Variants in ISM2 observed in about 807,000 individuals in gnomAD.
The protein encoded by ISM2 is isthmin 2, also known as isthmin-2.
ISM2 carries 50 observed loss-of-function variants against 58.0 expected under a neutral mutation model. The observed-to-expected ratio is 0.86, with a 90% CI of 0.69 to 1.09. The LOEUF (loss-of-function observed/expected upper bound fraction) is 1.09. Ranked by LOEUF, ISM2 falls within the 50% of genes least tolerant of loss-of-function variation. ISM2 has a pLI of 0.00. For missense variants in ISM2, 723 were observed against 745.0 expected (o/e 0.97, Z 0.34); for synonymous variants, 303 against 312.4 (o/e 0.97, Z 0.32).
intron 1 of ISM2, among the ~76,000 whole-genome samples, chr14:77,486,740 C>T (rs1216747352): frequency 6.6e-6 from 1 of 152,004 alleles, no homozygotes; most frequent in Non-Finnish European, 1.5e-5. Context: ...GCTGGGCCTG[C>T]CTGGGCAGGT....
At chr14:77,497,074 A>C (rs2079247333) in intron 1 of ISM2, among the ~76,000 whole-genome samples, 1 of 151,824 alleles carries the variant, frequency 6.6e-6, no homozygotes, top group Non-Finnish European at 1.5e-5. Context: ...CGTCATCTCA[A>C]AAATGGGAAG....
chr14:77,498,362 C>G (rs576793126), intron 1 of ISM2: 3 of 1,399,584 alleles, frequency 2.1e-6, no homozygotes, highest in South Asian at 1.3e-5. Context: ...CGAGGAAGCC[C>G]GGCCACCGTG....
At chr14:77,483,629 C>CGT (rs2079147062) in intron 3 of ISM2, among the ~76,000 whole-genome samples, 1 of 150,104 alleles carries the variant, frequency 6.7e-6, no homozygotes, top group Non-Finnish European at 1.5e-5. Context: ...TTTGCGTGTG[C>CGT]GTGTGCGTGT....
intron 5 of ISM2, 84 bp from the exon 6 acceptor site, chr14:77,478,409 C>G: frequency 6.9e-7 from 1 of 1,446,026 alleles, no homozygotes; most frequent in East Asian, 2.3e-5. Context: ...CCTCAATAGG[C>G]TCTCAGTGCC....
Position 77,484,308 on chromosome 14 carries a change from T to C in ISM2, c.627+15A>G. The C allele has an allele frequency of 1.2e-6, 2 of 1,607,696 alleles. No individual in the cohort carries two copies. Among genetic ancestry groups the C allele is most frequent in the Non-Finnish European group, 1.7e-6 (2 of 1,176,550 alleles). ...CGGGTGTCTGCAGGGCTGCTGGCCCTTCTGTAGCTCTCACCTGGTTATCAG... is the reference window on the plus strand; with the variant it reads ...CGGGTGTCTGCAGGGCTGCTGGCCCCTCTGTAGCTCTCACCTGGTTATCAG... On this transcript the variant is annotated intron_variant, in intron 3 of 6. Transcript: ENST00000342219.
At chr14:77,498,460 T>A in intron 1 of ISM2, 193 bp downstream of exon 1, 1 of 1,179,632 alleles carries the variant, frequency 8.5e-7, no homozygotes, top group African/African-American at 1.6e-5. Flanking sequence ...GCGCGAGGAG[T>A]GGAAGCCCCG....
At chr14:77,491,283 G>T (rs925400836) in intron 1 of ISM2, among the ~76,000 whole-genome samples, 1 of 152,120 alleles carries the variant, frequency 6.6e-6, no homozygotes, top group African/African-American at 2.4e-5. Flanking sequence ...TTCTTTCATG[G>T]CCATTTAACC....
chr14:77,498,760 G>A lies in ISM2; in HGVS notation c.34C>T (p.Leu12Phe), dbSNP rs753619086. 2.7e-6 allele frequency: 4 copies of A among 1,473,022 alleles called. No individual in the cohort carries two copies. The highest frequency in any genetic ancestry group is 3.6e-6 in the Non-Finnish European group (4 of 1,121,998). The allele number at this position is 1,473,022 out of a possible 1,614,324, so 91.2% of individuals were successfully genotyped here. A position where few individuals can be genotyped will look rare whatever the true frequency, so the allele number is the denominator to read the frequency against. ...AGCGCCGCCAGCAGCAGCACGCAGAGGAGGAGCCCGGCTCGGTCGCGGAGC... is the reference window on the plus strand; with the variant it reads ...AGCGCCGCCAGCAGCAGCACGCAGAAGAGGAGCCCGGCTCGGTCGCGGAGC... ...RALRDRAGLL[L>F]CVLLLAALLE... The change falls in exon 1 of 7, where the codon CTC becomes TTC. Residue 12 changes from leucine to phenylalanine, a missense_variant. Physicochemically the swap from Leu to Phe is conservative, Grantham distance 22 (BLOSUM62 0). Transcript: ENST00000342219.
chr14:77,476,560 T>C (rs1430302295), intron 6 of ISM2, among the ~76,000 whole-genome samples: 1 of 152,228 alleles, frequency 6.6e-6, no homozygotes, highest in Non-Finnish European at 1.5e-5. Context: ...TCTCAGGCAA[T>C]CTGGCCTGGG....
At chr14:77,479,029 G>A (rs766945606) in intron 4 of ISM2, among the ~76,000 whole-genome samples, 10 of 152,208 alleles carry the variant, frequency 6.6e-5, no homozygotes, top group Non-Finnish European at 1.5e-4. Flanking sequence ...CTATTGGTAT[G>A]ACCTTGGGCA....
At chr14:77,496,386 G>T (rs945366332) in intron 1 of ISM2, among the ~76,000 whole-genome samples, 3 of 152,018 alleles carry the variant, frequency 2.0e-5, no homozygotes, top group African/African-American at 7.2e-5. Context: ...TACTCGGGAG[G>T]CAGAGGCAGG....
chr14:77,474,492 T>A lies in ISM2; in HGVS notation c.*1103A>T, dbSNP rs1413568956. ...GTCCCCTAACTTTTGGTGGCTCTTGTGAACAGAGACAGTTGAGACTTCAAT... is the reference window on the plus strand; with the variant it reads ...GTCCCCTAACTTTTGGTGGCTCTTGAGAACAGAGACAGTTGAGACTTCAAT... On this transcript the variant is annotated 3_prime_UTR_variant, in exon 7 of 7. Coordinates refer to ENST00000342219, the MANE Select transcript of ISM2 (RefSeq NM_199296.3). 6.6e-6 allele frequency: 1 copy of A among 152,178 alleles called. No individual in the cohort carries two copies. Among genetic ancestry groups the A allele is most frequent in the East Asian group, 1.9e-4 (1 of 5,194 alleles). The allele number at this position is 152,178 out of a possible 1,614,324, so 9.4% of individuals were successfully genotyped here.
intron 1 of ISM2, among the ~76,000 whole-genome samples, chr14:77,495,504 T>G (rs2079233543): frequency 6.6e-6 from 1 of 152,282 alleles, no homozygotes; most frequent in African/African-American, 2.4e-5. Flanking sequence ...ACAATGCCAA[T>G]TTAGTTAATT....
Position 77,498,698 on chromosome 14 carries a change from C to T in ISM2, c.96G>A (p.Pro32=), listed in dbSNP as rs1204960446. ...TCCCAGGCCGTGGTCCGCGGAGCCG[C>T]GGCTTCTTCACGGGGAGCCCTAGCG... ...EAALGLPVKK[P]RLRGPRPGSL... The change falls in exon 1 of 7, where the codon CCG becomes CCA. Residue 32 remains proline (P), a synonymous_variant. Coordinates refer to ENST00000342219, the MANE Select transcript of ISM2 (RefSeq NM_199296.3). The T allele has an allele frequency of 6.7e-7, 1 of 1,483,950 alleles. No individual in the cohort carries two copies. Among genetic ancestry groups the T allele is most frequent in the East Asian group, 2.9e-5 (1 of 34,204 alleles). 91.9% of individuals were successfully genotyped at this position (1,483,950 alleles called of 1,614,324 possible).
intron 1 of ISM2, among the ~76,000 whole-genome samples, chr14:77,489,113 A>G (rs1008002205): frequency 6.6e-6 from 1 of 152,148 alleles, no homozygotes. Context: ...AGTTAACACA[A>G]CAGAGTCCCA....
intron 3 of ISM2, among the ~76,000 whole-genome samples, chr14:77,483,382 A>G (rs539006089): frequency 6.6e-6 from 1 of 151,976 alleles, no homozygotes; most frequent in Non-Finnish European, 1.5e-5. Flanking sequence ...ACATGGTGAA[A>G]CCCCGTCTCT....
chr14:77,496,886 G>A (rs1456768030), intron 1 of ISM2, among the ~76,000 whole-genome samples: 1 of 148,478 alleles, frequency 6.7e-6, no homozygotes, highest in East Asian at 2.0e-4. Flanking sequence ...CCTTAAGGGG[G>A]CAGAAAAAAA....
At chr14:77,481,644 TCA>T (rs1001234980) in intron 4 of ISM2, among the ~76,000 whole-genome samples, 2 of 152,102 alleles carry the variant, frequency 1.3e-5, no homozygotes, top group African/African-American at 4.8e-5. Flanking sequence ...GGAGTCAAAG[TCA>T]CACACACAAT....
At chr14:77,486,056 TC>T (rs1231859109) in intron 1 of ISM2, among the ~76,000 whole-genome samples, 1 of 152,222 alleles carries the variant, frequency 6.6e-6, no homozygotes, top group African/African-American at 2.4e-5. Context: ...CTGTCTTACA[TC>T]CTCATTGTCA....
Sources: allele counts gnomAD v4.1 joint callset (sites outside exome capture counted in the v4.1 genomes callset), GRCh38; gene constraint gnomAD v4.1.1; transcripts MANE v1.5; gene names NCBI Gene and HGNC (gene_info 2026-07-23, HGNC 2026-07-21).